The following SCFD2 variants were observed in gnomAD, a reference collection of about 807,000 sequenced individuals.
SCFD2 encodes the protein sec1 family domain-containing protein 2.
A neutral mutation model predicts 58.9 loss-of-function variants in SCFD2; 54 were observed. That is an observed-to-expected ratio of 0.92 (90% CI 0.74 to 1.15). SCFD2 has a LOEUF of 1.15. Among genes scored for constraint, SCFD2 ranks in the 50% most tolerant of loss-of-function variants. SCFD2 has a pLI of 0.00. For synonymous variants in SCFD2, 321 were observed against 335.9 expected (o/e 0.96, Z 0.49); for missense variants, 805 against 836.6 (o/e 0.96, Z 0.47).
At position 53,315,750 on chromosome 4, in the gene SCFD2, A is replaced by T. The variant is rs866544538; in HGVS notation, c.1008-1987T>A. 2.1e-4 allele frequency among the ~76,000 whole-genome samples: 32 copies of T among 152,246 alleles called. 1 individual carries two copies. Among genetic ancestry groups the T allele is most frequent in the Admixed American group, 2.0e-4 (3 of 15,280 alleles). On this transcript the variant is annotated intron_variant, in intron 2 of 8. Transcript: ENST00000401642. ...CAATATCTCTCCACAAAACACAGGGATTTCTCACATAAGTCTCAACGCAAC... is the reference window on the plus strand; with the variant it reads ...CAATATCTCTCCACAAAACACAGGGTTTTCTCACATAAGTCTCAACGCAAC...
intron 4 of SCFD2, among the ~76,000 whole-genome samples, chr4:53,236,379 T>A (rs1430475767): frequency 6.6e-6 from 1 of 151,464 alleles, no homozygotes; most frequent in Non-Finnish European, 1.5e-5. Flanking sequence ...TGGAGTTTAT[T>A]AAGCATATGT....
chr4:53,087,491 A>T (rs528413806), intron 5 of SCFD2, among the ~76,000 whole-genome samples: 2 of 151,824 alleles, frequency 1.3e-5, no homozygotes, highest in African/African-American at 4.8e-5. Context: ...CCGCCACCAC[A>T]CCCAACTAAT....
At chr4:53,094,786 A>G (rs981262388) in intron 5 of SCFD2, among the ~76,000 whole-genome samples, 6 of 152,052 alleles carry the variant, frequency 3.9e-5, no homozygotes, top group African/African-American at 1.4e-4. Flanking sequence ...CCTTTACAGC[A>G]TAAGTCTTCC....
chr4:53,331,395 T>G (rs971889686), intron 2 of SCFD2, among the ~76,000 whole-genome samples: 3 of 152,156 alleles, frequency 2.0e-5, no homozygotes, highest in African/African-American at 7.2e-5. Context: ...TAATGAACTA[T>G]CTCTCAGACC....
At chr4:53,207,200 C>T (rs1233380360) in intron 4 of SCFD2, among the ~76,000 whole-genome samples, 1 of 151,348 alleles carries the variant, frequency 6.6e-6, no homozygotes, top group Non-Finnish European at 1.5e-5. Context: ...CTTATTAAGC[C>T]CCACCTCCCA....
At chr4:53,049,471 C>T (rs1368296577) in intron 5 of SCFD2, among the ~76,000 whole-genome samples, 1 of 152,174 alleles carries the variant, frequency 6.6e-6, no homozygotes, top group Non-Finnish European at 1.5e-5. Flanking sequence ...TCACAACAGA[C>T]CTGAGGGTCA....
chr4:53,072,915 G>A (rs528979833), intron 5 of SCFD2, among the ~76,000 whole-genome samples: 3 of 152,108 alleles, frequency 2.0e-5, no homozygotes, highest in East Asian at 1.9e-4. Context: ...CAGTGATGTC[G>A]CTTCATTAGT....
At chr4:53,298,726 G>A (rs1732148637) in intron 3 of SCFD2, among the ~76,000 whole-genome samples, 1 of 152,114 alleles carries the variant, frequency 6.6e-6, no homozygotes, top group Admixed American at 6.5e-5. Context: ...TCACACAGCT[G>A]GGTACTCCTC....
chr4:53,184,051 T>C (rs1262669771), intron 4 of SCFD2, among the ~76,000 whole-genome samples: 1 of 152,156 alleles, frequency 6.6e-6, no homozygotes, highest in Admixed American at 6.6e-5. Context: ...CGTAACCTAC[T>C]CCTAGAAAAA....
At chr4:53,214,113 C>T (rs1728722302) in intron 4 of SCFD2, among the ~76,000 whole-genome samples, 1 of 152,092 alleles carries the variant, frequency 6.6e-6, no homozygotes. Flanking sequence ...CCACAGTAAA[C>T]ATACGTGTGC....
intron 5 of SCFD2, among the ~76,000 whole-genome samples, chr4:53,012,837 T>TGTG (rs1254837162): frequency 5.2e-5 from 6 of 114,756 alleles, no homozygotes; most frequent in African/African-American, 2.0e-4. Flanking sequence ...TGTGTGTGTG[T>TGTG]TTTTTTTTAA....
chr4:53,117,249 C>T (rs1725350684), intron 5 of SCFD2, among the ~76,000 whole-genome samples: 1 of 152,172 alleles, frequency 6.6e-6, no homozygotes, highest in African/African-American at 2.4e-5. Flanking sequence ...TGTGATCTGT[C>T]TTACCTGGCC....
intron 5 of SCFD2, among the ~76,000 whole-genome samples, chr4:52,975,887 G>A (rs1294992101): frequency 1.3e-5 from 2 of 151,964 alleles, no homozygotes; most frequent in South Asian, 2.1e-4. Flanking sequence ...CACGGATGAA[G>A]CTGGAAACCA....
At chr4:53,200,139 G>A (rs1356012870) in intron 4 of SCFD2, among the ~76,000 whole-genome samples, 1 of 152,078 alleles carries the variant, frequency 6.6e-6, no homozygotes, top group Non-Finnish European at 1.5e-5. Context: ...CAGCATACGG[G>A]TTTTGGCAGA....
intron 4 of SCFD2, among the ~76,000 whole-genome samples, chr4:53,170,726 T>C (rs1727155408): frequency 6.6e-6 from 1 of 152,198 alleles, no homozygotes; most frequent in South Asian, 2.1e-4. Context: ...TGTCTTATTC[T>C]TTTCAGTGAA....
rs372917177 is a variant in SCFD2, at chr4:52,954,960, A to G, written c.1562-34090T>C. On this transcript the variant is annotated intron_variant, in intron 5 of 8. Transcript: ENST00000401642. The stretch of plus-strand genomic sequence containing the variant: ...TCCCTGTCCTTTTGATCCACAAAAG[A>G]GAACCTCCACCCACCCCTCCTGCTC... 1.3e-3 allele frequency among the ~76,000 whole-genome samples: 204 copies of G among 152,304 alleles called. 2 individuals carry two copies. Among genetic ancestry groups the G allele is most frequent in the South Asian group, 0.01 (49 of 4,818 alleles).
intron 4 of SCFD2, among the ~76,000 whole-genome samples, chr4:53,173,322 TA>T (rs1727233884): frequency 6.6e-6 from 1 of 152,194 alleles, no homozygotes; most frequent in Non-Finnish European, 1.5e-5. Flanking sequence ...GTGTACTGAA[TA>T]TGCATTGCTT....
chr4:53,130,834 G>C (rs1406122919), intron 5 of SCFD2, among the ~76,000 whole-genome samples: 1 of 152,168 alleles, frequency 6.6e-6, no homozygotes, highest in Non-Finnish European at 1.5e-5. Context: ...ATAACTAAAA[G>C]GAAGAAAATG....
chr4:53,105,538 G>A (rs985981640), intron 5 of SCFD2, among the ~76,000 whole-genome samples: 1 of 152,196 alleles, frequency 6.6e-6, no homozygotes, highest in African/African-American at 2.4e-5. Context: ...TGAAAAGGTG[G>A]TTTTCCCCTA....
Sources: allele counts gnomAD v4.1 joint callset (sites outside exome capture counted in the v4.1 genomes callset), GRCh38; gene constraint gnomAD v4.1.1; transcripts MANE v1.5; gene names NCBI Gene and HGNC (gene_info 2026-07-23, HGNC 2026-07-21).